PALM2AKAP2: variants seen among roughly 807,000 people sequenced by gnomAD.
PALM2AKAP2 encodes the protein PALM2 and AKAP2 fusion, also known as PALM2-AKAP2 fusion protein.
Under a neutral mutation model 71.5 loss-of-function variants are expected in PALM2AKAP2, and 37 were observed. The ratio of observed to expected loss-of-function variants is 0.52; its 90% confidence interval spans 0.40 to 0.68. The LOEUF (loss-of-function observed/expected upper bound fraction) is 0.68. PALM2AKAP2 is among the 30% of genes least tolerant of loss of function. PALM2AKAP2 has a pLI of 0.00. For synonymous variants in PALM2AKAP2, 468 were observed against 478.8 expected, an observed-to-expected ratio of 0.98 and a Z score of 0.29; for missense variants, 1,224 against 1,191.8, an observed-to-expected ratio of 1.03 and a Z score of -0.40.
chr9:109,842,868 C>T (rs551046544), intron 1 of PALM2AKAP2, among the ~76,000 whole-genome samples: 3 of 152,026 alleles, frequency 2.0e-5, no homozygotes, highest in South Asian at 2.1e-4. Context: ...TCAAACAGTT[C>T]GGTGGCTCAC....
At chr9:110,171,240 A>G (rs974230793) in exon 4 of PALM2AKAP2, 1 of 152,238 alleles carries the variant, frequency 6.6e-6, no homozygotes, top group African/African-American at 2.4e-5. Flanking sequence ...CTTTGACCAC[A>G]GTTGATTGAA....
chr9:109,965,236 T>A (rs1831925078), intron 6 of PALM2AKAP2, among the ~76,000 whole-genome samples: 1 of 152,194 alleles, frequency 6.6e-6, no homozygotes, highest in Non-Finnish European at 1.5e-5. Context: ...TTAAAATGCC[T>A]CATGCACAAA....
chr9:109,824,326 C>T (rs1374860129), intron 1 of PALM2AKAP2, among the ~76,000 whole-genome samples: 1 of 152,208 alleles, frequency 6.6e-6, no homozygotes, highest in African/African-American at 2.4e-5. Context: ...CCCACCATAA[C>T]AGTTTCTGAA....
At chr9:109,764,447 G>C (rs1410199) in intron 1 of PALM2AKAP2, among the ~76,000 whole-genome samples, 16,056 of 152,108 alleles carry the variant, frequency 0.11, 913 homozygotes, top group South Asian at 0.12. Context: ...CCCCCATTGA[G>C]AGCCTATGCA....
intron 1 of PALM2AKAP2, among the ~76,000 whole-genome samples, chr9:110,109,819 T>A (rs140313454): frequency 4.8e-4 from 73 of 151,150 alleles, no homozygotes; most frequent in African/African-American, 1.5e-3. Context: ...GAGTTTCTTT[T>A]AAAAAAAAAG....
rs1827170151 is a variant in PALM2AKAP2, at chr9:109,793,446, G to A, written c.45+12913G>A. Among the ~76,000 whole-genome samples, 3 of 152,216 alleles carry A rather than the reference G, an allele frequency of 2.0e-5. No individual in the cohort carries two copies. In the South Asian group the frequency reaches 6.2e-4, roughly 31 times the overall value. The stretch of plus-strand genomic sequence containing the variant: ...TGAGCAGGACAGTGCCCTGTGGTGG[G>A]TAGAAGATGAGTCACACAGTGATCA... On this transcript the variant is annotated intron_variant, in intron 1 of 9. Transcript: ENST00000302798.
chr9:109,878,150 T>G (rs912776895), intron 2 of PALM2AKAP2, among the ~76,000 whole-genome samples: 3 of 152,222 alleles, frequency 2.0e-5, no homozygotes, highest in African/African-American at 7.2e-5. Flanking sequence ...GATAAAGCTT[T>G]GATAAGCAAC....
intron 1 of PALM2AKAP2, among the ~76,000 whole-genome samples, chr9:109,859,645 G>A (rs1829260411): frequency 6.6e-6 from 1 of 152,214 alleles, no homozygotes; most frequent in Admixed American, 6.5e-5. Context: ...GCAAGCTCAA[G>A]TCCAAATAAT....
intron 1 of PALM2AKAP2, among the ~76,000 whole-genome samples, chr9:109,862,154 G>C (rs562948375): frequency 6.6e-6 from 1 of 152,274 alleles, no homozygotes; most frequent in Admixed American, 6.5e-5. Flanking sequence ...GGGGAGGGAA[G>C]AGAAAGGAGG....
At chr9:109,901,214 G>T (rs1830323984) in intron 3 of PALM2AKAP2, among the ~76,000 whole-genome samples, 1 of 152,232 alleles carries the variant, frequency 6.6e-6, no homozygotes, top group Non-Finnish European at 1.5e-5. Context: ...CCACCTAGGA[G>T]TTGGACTGCT....
At chr9:109,981,081 G>A (rs1832260241) in intron 6 of PALM2AKAP2, among the ~76,000 whole-genome samples, 2 of 152,198 alleles carry the variant, frequency 1.3e-5, no homozygotes, top group Admixed American at 1.3e-4. Context: ...CTGTTGTGGA[G>A]TAGGTGCTTA....
rs116202384 is a variant in PALM2AKAP2 at position 109,931,800 on chromosome 9, T to A, written c.395-127T>A. ...GGCAAATGCTTGTCTTTGTTTACCCTGATCCTCCTGTTCAGTGGCCGCCTC... is the reference window on the plus strand; with the variant it reads ...GGCAAATGCTTGTCTTTGTTTACCCAGATCCTCCTGTTCAGTGGCCGCCTC... On this transcript the variant is annotated intron_variant, in intron 5 of 9. Transcript: ENST00000302798. 580 of 1,022,850 alleles carry A rather than the reference T, an allele frequency of 5.7e-4. 3 individuals are homozygous for A. In the African/African-American group the frequency reaches 8.6e-3, roughly 15 times the overall value. The allele number at this position is 1,022,850 out of a possible 1,614,324, so 63.4% of individuals were successfully genotyped here. A position where few individuals can be genotyped will look rare whatever the true frequency, so the allele number is the denominator to read the frequency against.
intron 1 of PALM2AKAP2, among the ~76,000 whole-genome samples, chr9:110,073,067 T>TACC (rs1013491748): frequency 6.6e-6 from 1 of 152,240 alleles, no homozygotes; most frequent in Non-Finnish European, 1.5e-5. Context: ...GAGAGGTTTC[T>TACC]ACCATTGTGC....
At chr9:109,673,474 C>T (rs945346400) in intron 1 of PALM2AKAP2, among the ~76,000 whole-genome samples, 5 of 151,474 alleles carry the variant, frequency 3.3e-5, no homozygotes, top group African/African-American at 7.3e-5. Context: ...GAGACTGTTA[C>T]GATTTCAGTT....
chr9:109,720,458 G>T (rs1828388725), intron 1 of PALM2AKAP2, among the ~76,000 whole-genome samples: 1 of 152,188 alleles, frequency 6.6e-6, no homozygotes, highest in African/African-American at 2.4e-5. Flanking sequence ...CTCAGAGCTG[G>T]AAGTCATGAG....
chr9:109,961,154 A>T (rs1229069783), intron 6 of PALM2AKAP2, among the ~76,000 whole-genome samples: 1 of 152,242 alleles, frequency 6.6e-6, no homozygotes, highest in Non-Finnish European at 1.5e-5. Context: ...GGCAAAAGCA[A>T]CCTATCCGTT....
chr9:110,158,989 C>T (rs1472141595), intron 3 of PALM2AKAP2, among the ~76,000 whole-genome samples: 1 of 152,200 alleles, frequency 6.6e-6, no homozygotes, highest in African/African-American at 2.4e-5. Context: ...GGGACCTTTT[C>T]TCCTGTATCT....
At chr9:109,969,245 T>C (rs552130574) in intron 6 of PALM2AKAP2, among the ~76,000 whole-genome samples, 55 of 152,338 alleles carry the variant, frequency 3.6e-4, no homozygotes, top group African/African-American at 1.3e-3. Context: ...CCACAGCTGC[T>C]GGTCTGGGCC....
chr9:109,836,294 T>C (rs1401068739), intron 1 of PALM2AKAP2, among the ~76,000 whole-genome samples: 1 of 152,106 alleles, frequency 6.6e-6, no homozygotes, highest in Non-Finnish European at 1.5e-5. Flanking sequence ...TCCAGCAAAC[T>C]CCAACAGACC....
Sources: allele counts gnomAD v4.1 joint callset (sites outside exome capture counted in the v4.1 genomes callset), GRCh38; gene constraint gnomAD v4.1.1; transcripts MANE v1.5; gene names NCBI Gene and HGNC (gene_info 2026-07-23, HGNC 2026-07-21).